ZNF536: variants seen among roughly 807,000 people sequenced by gnomAD.
ZNF536 encodes zinc finger protein 536.
A neutral mutation model predicts 84.5 loss-of-function variants in ZNF536; 13 were observed. The ratio of observed to expected loss-of-function variants is 0.15; its 90% CI spans 0.10 to 0.24. ZNF536 has a LOEUF of 0.24. Ranked by LOEUF, ZNF536 falls within the 10% of genes least tolerant of loss-of-function variation. The pLI, the probability that ZNF536 is intolerant of heterozygous loss-of-function variation, is 1.00. For synonymous variants in ZNF536, 811 were observed against 742.5 expected, an observed-to-expected ratio of 1.09 and a Z score of -1.50; for missense variants, 1,536 against 1,747.5, an observed-to-expected ratio of 0.88 and a Z score of 2.16.
chr19:30,422,534 G>A (rs1002967915), intron 1 of ZNF536, among the ~76,000 whole-genome samples: 3 of 152,152 alleles, frequency 2.0e-5, no homozygotes, highest in African/African-American at 7.2e-5. Context: ...GTGGCCTACT[G>A]TGTTCTTCCT....
intron 2 of ZNF536, among the ~76,000 whole-genome samples, chr19:30,528,334 A>G (rs1267422603): frequency 3.3e-5 from 5 of 152,178 alleles, no homozygotes; most frequent in African/African-American, 1.2e-4. Context: ...CACATGCAAT[A>G]TAAGAAGAAG....
At chr19:30,407,957 G>GGCC (rs748204694) in intron 1 of ZNF536, among the ~76,000 whole-genome samples, 2 of 152,062 alleles carry the variant, frequency 1.3e-5, no homozygotes, top group Non-Finnish European at 2.9e-5. Context: ...TTCCTTTGTT[G>GGCC]AGAGGAAAGT....
intron 2 of ZNF536, among the ~76,000 whole-genome samples, chr19:30,531,550 G>A (rs1251405152): frequency 6.6e-6 from 1 of 151,958 alleles, no homozygotes; most frequent in Admixed American, 6.6e-5. Flanking sequence ...TGTCTAAGTA[G>A]TGAGCATAGC....
intron 1 of ZNF536, among the ~76,000 whole-genome samples, chr19:30,587,199 T>C (rs2047123665): frequency 6.6e-6 from 1 of 152,212 alleles, no homozygotes; most frequent in Non-Finnish European, 1.5e-5. Flanking sequence ...TTTCTTTTTA[T>C]TTTTTTAACT....
At chr19:30,321,591 C>T (rs1395893244) in intron 2 of ZNF536, among the ~76,000 whole-genome samples, 1 of 151,858 alleles carries the variant, frequency 6.6e-6, no homozygotes, top group Non-Finnish European at 1.5e-5. Flanking sequence ...TAAAAGAAAT[C>T]TTCATTCGGT....
chr19:30,405,092 G>A (rs1342649013), intron 1 of ZNF536, among the ~76,000 whole-genome samples: 4 of 152,186 alleles, frequency 2.6e-5, no homozygotes, highest in African/African-American at 7.2e-5. Context: ...ACCACTGTCC[G>A]GGAACCTCAA....
intron 2 of ZNF536, among the ~76,000 whole-genome samples, chr19:30,335,377 C>T (rs974691439): frequency 3.3e-5 from 5 of 152,126 alleles, no homozygotes; most frequent in East Asian, 1.9e-4. Context: ...CTGCCACTGC[C>T]ACCACAGCCA....
intron 2 of ZNF536, among the ~76,000 whole-genome samples, chr19:30,456,179 C>T (rs2052830585): frequency 6.6e-6 from 1 of 152,056 alleles, no homozygotes; most frequent in Admixed American, 6.6e-5. Context: ...ACTTTTTTTT[C>T]CCCAAGCTTT....
At chr19:30,650,547 C>A (rs1354956624) in intron 1 of ZNF536, among the ~76,000 whole-genome samples, 2 of 152,128 alleles carry the variant, frequency 1.3e-5, no homozygotes, top group Non-Finnish European at 2.9e-5. Context: ...ATATGTTAGC[C>A]GATGAGCATT....
intron 3 of ZNF536, among the ~76,000 whole-genome samples, chr19:30,359,825 C>A (rs1484701729): frequency 6.6e-6 from 1 of 152,174 alleles, no homozygotes. Flanking sequence ...GATCCTTCAC[C>A]ATGCTGACTG....
At chr19:30,493,480 C>T (rs1257836248) in intron 2 of ZNF536, among the ~76,000 whole-genome samples, 1 of 152,104 alleles carries the variant, frequency 6.6e-6, no homozygotes, top group Non-Finnish European at 1.5e-5. Flanking sequence ...GAAAATGTGA[C>T]AAGCTTTGCT....
chr19:30,676,040 T>A (rs1338250642), intron 1 of ZNF536, among the ~76,000 whole-genome samples: 7 of 152,026 alleles, frequency 4.6e-5, no homozygotes, highest in African/African-American at 9.7e-5. Context: ...TAATTTTTTT[T>A]AATAGAGATG....
At chr19:30,377,261 G>A (rs977556140) in intron 1 of ZNF536, among the ~76,000 whole-genome samples, 1 of 152,170 alleles carries the variant, frequency 6.6e-6, no homozygotes, top group Non-Finnish European at 1.5e-5. Context: ...GGGAGTCCTG[G>A]ATGTTACCCG....
At chr19:30,326,667 ATGCGGGAGGCACGAATG>A (rs2047035454) in intron 2 of ZNF536, among the ~76,000 whole-genome samples, 2 of 151,306 alleles carry the variant, frequency 1.3e-5, no homozygotes, top group Non-Finnish European at 2.9e-5. Context: ...ACGGCTTTCG[ATGCGGGAGGCACGAATG>A]TGCCTCCCCA....
intron 2 of ZNF536, among the ~76,000 whole-genome samples, chr19:30,487,271 A>T (rs2054336814): frequency 6.6e-6 from 1 of 152,246 alleles, no homozygotes; most frequent in African/African-American, 2.4e-5. Flanking sequence ...AAATTAAAAC[A>T]GGAATTGTGT....
chr19:30,431,170 A>G (rs959044437), intron 1 of ZNF536, among the ~76,000 whole-genome samples: 3 of 152,136 alleles, frequency 2.0e-5, no homozygotes, highest in Admixed American at 1.3e-4. Context: ...GTTCCATGAG[A>G]TGGGCCACCT....
chr19:30,314,598 C>T (rs1368623352), intron 2 of ZNF536, among the ~76,000 whole-genome samples: 1 of 152,156 alleles, frequency 6.6e-6, no homozygotes, highest in Non-Finnish European at 1.5e-5. Context: ...CTGTTGGACT[C>T]ATGTTGTCAG....
At chr19:30,562,987 TATCACCC>T (rs2046226652), downstream of ZNF536, among the ~76,000 whole-genome samples, 2 of 152,192 alleles carry the variant, frequency 1.3e-5, no homozygotes, top group South Asian at 4.1e-4. Flanking sequence ...GCCTCAGTGT[TATCACCC>T]ATCAAATGAG....
At chr19:30,464,910 T>G (rs1241562075) in intron 2 of ZNF536, among the ~76,000 whole-genome samples, 2 of 151,800 alleles carry the variant, frequency 1.3e-5, no homozygotes, top group Non-Finnish European at 2.9e-5. Context: ...TTCGGGGAAT[T>G]TGGATGGAAA....
Sources: allele counts gnomAD v4.1 joint callset (sites outside exome capture counted in the v4.1 genomes callset), GRCh38; gene constraint gnomAD v4.1.1; transcripts MANE v1.5; gene names NCBI Gene and HGNC (gene_info 2026-07-23, HGNC 2026-07-21).